EFCAB11: variants seen among roughly 807,000 people sequenced by gnomAD.
EFCAB11 encodes the protein EF-hand calcium-binding domain-containing protein 11.
Under a neutral mutation model 23.0 loss-of-function variants are expected in EFCAB11, and 14 were observed. The ratio of observed to expected loss-of-function variants is 0.61; its 90% CI spans 0.40 to 0.95. The LOEUF (loss-of-function observed/expected upper bound fraction) is 0.95. Among genes scored for constraint, EFCAB11 ranks in the 40% least tolerant of loss-of-function variants. The probability of loss-of-function intolerance (pLI) is 0.00; values close to 1 mark genes in which losing one functional copy is unlikely to be tolerated. For missense variants in EFCAB11, 198 were observed against 195.8 expected (o/e 1.01, Z -0.07); for synonymous variants, 65 against 66.6 (o/e 0.98, Z 0.11).
At chr14:89,909,289 T>A (rs1013844664) in intron 5 of EFCAB11, among the ~76,000 whole-genome samples, 71 of 152,294 alleles carry the variant, frequency 4.7e-4, no homozygotes, top group African/African-American at 1.6e-3. Flanking sequence ...GTAAGTCTGA[T>A]CACATCGGCT....
At chr14:89,919,188 GAGAGAGAGAGAGAGAC>G (rs896965498) in intron 5 of EFCAB11, among the ~76,000 whole-genome samples, 1 of 132,480 alleles carries the variant, frequency 7.5e-6, no homozygotes, top group Non-Finnish European at 1.5e-5. Context: ...CACTTGATGA[GAGAGAGAGAGAGAGAC>G]AGAGAGAGAG....
chr14:89,847,741 CAAAA>C (rs561016492), intron 5 of EFCAB11, among the ~76,000 whole-genome samples: 2 of 92,092 alleles, frequency 2.2e-5, no homozygotes, highest in African/African-American at 7.8e-5. Flanking sequence ...CTCTGTCTCA[CAAAA>C]AAAAAAAAAA....
At chr14:89,949,628 A>C (rs922093185) in intron 3 of EFCAB11, among the ~76,000 whole-genome samples, 2 of 152,158 alleles carry the variant, frequency 1.3e-5, no homozygotes, top group African/African-American at 4.8e-5. Context: ...GGCTTCCCAA[A>C]GTGCTGGGAC....
At chr14:89,866,188 C>T (rs1032551285) in intron 5 of EFCAB11, among the ~76,000 whole-genome samples, 16 of 152,140 alleles carry the variant, frequency 1.1e-4, no homozygotes, top group African/African-American at 2.2e-4. Flanking sequence ...TTTTAGACAC[C>T]GTCAGGGATG....
intron 3 of EFCAB11, among the ~76,000 whole-genome samples, chr14:89,942,111 C>A (rs1046364066): frequency 1.3e-5 from 2 of 152,154 alleles, no homozygotes; most frequent in East Asian, 1.9e-4. Flanking sequence ...TGCCATGATT[C>A]TAAGTTTCCT....
At chr14:89,913,093 G>A (rs1259736605) in intron 5 of EFCAB11, among the ~76,000 whole-genome samples, 1 of 152,204 alleles carries the variant, frequency 6.6e-6, no homozygotes, top group Non-Finnish European at 1.5e-5. Flanking sequence ...AAGCAGGCAA[G>A]GCAGGCGTGA....
At chr14:89,933,568 T>C (rs1890474654) in intron 3 of EFCAB11, among the ~76,000 whole-genome samples, 1 of 152,258 alleles carries the variant, frequency 6.6e-6, no homozygotes, top group Admixed American at 6.5e-5. Flanking sequence ...TACATCTTTA[T>C]TTACATTTAA....
intron 5 of EFCAB11, among the ~76,000 whole-genome samples, chr14:89,864,930 C>T (rs1282815930): frequency 1.3e-5 from 2 of 152,322 alleles, no homozygotes; most frequent in East Asian, 1.9e-4. Context: ...CAGCAGGATG[C>T]CCTCAGTGAC....
At chr14:89,917,056 G>GTGTA in intron 5 of EFCAB11, among the ~76,000 whole-genome samples, 1 of 39,018 alleles carries the variant, frequency 2.6e-5, no homozygotes, top group Non-Finnish European at 4.9e-5. Flanking sequence ...CATGCTTCGT[G>GTGTA]TGTGTGTGTG....
intron 5 of EFCAB11, among the ~76,000 whole-genome samples, chr14:89,835,643 T>TGTGTGTGTGTGTGTGTGTGTG (rs1491344939): frequency 2.1e-4 from 29 of 138,900 alleles, no homozygotes; most frequent in African/African-American, 2.4e-4. Flanking sequence ...TGTGTGTGTG[T>TGTGTGTGTGTGTGTGTGTGTG]TTGAGACGTT....
intron 3 of EFCAB11, among the ~76,000 whole-genome samples, chr14:89,947,149 T>C (rs1228319231): frequency 6.6e-6 from 1 of 152,192 alleles, no homozygotes; most frequent in Non-Finnish European, 1.5e-5. Context: ...ATGTTAACAA[T>C]GTCAATCTGG....
chr14:89,952,510 C>T (rs548255114), intron 2 of EFCAB11: 3 of 985,448 alleles, frequency 3.0e-6, no homozygotes, highest in Admixed American at 6.1e-5. Flanking sequence ...TTCTAAGAGT[C>T]AGCCCTGACT....
intron 3 of EFCAB11, among the ~76,000 whole-genome samples, chr14:89,949,490 G>C (rs138880443): frequency 4.6e-5 from 7 of 151,442 alleles, no homozygotes; most frequent in Non-Finnish European, 8.9e-5. Flanking sequence ...TCAGTCTCCA[G>C]AGTAGCTGGG....
intron 5 of EFCAB11, among the ~76,000 whole-genome samples, chr14:89,827,628 C>T (rs1189537933): frequency 2.9e-5 from 3 of 105,114 alleles, no homozygotes; most frequent in South Asian, 3.3e-4. Context: ...TTTATTCACT[C>T]TTTTTTTTTT....
At chr14:89,937,254 G>GA (rs1199229993) in intron 3 of EFCAB11, among the ~76,000 whole-genome samples, 1 of 152,118 alleles carries the variant, frequency 6.6e-6, no homozygotes, top group Non-Finnish European at 1.5e-5. Context: ...TTCTTTATAT[G>GA]AAAATGGAAA....
intron 5 of EFCAB11, among the ~76,000 whole-genome samples, chr14:89,909,906 G>A (rs1254322075): frequency 6.6e-6 from 1 of 152,166 alleles, no homozygotes; most frequent in Non-Finnish European, 1.5e-5. Flanking sequence ...CCATCCTCCA[G>A]GTCTCACGCC....
chr14:89,881,550 T>C lies in EFCAB11; in HGVS notation c.410+49991A>G, dbSNP rs148070638. On this transcript the variant is annotated intron_variant, in intron 5 of 5. Transcript: ENST00000316738. Reference sequence around the variant, plus strand: ...GCAAACTCTGCCTCCCAGGTTCAAGTGATTCTCCTGCCTCAGCCTCCTGAG... The same window carrying C: ...GCAAACTCTGCCTCCCAGGTTCAAGCGATTCTCCTGCCTCAGCCTCCTGAG... Among the ~76,000 whole-genome samples, 595 of 146,888 alleles carry C rather than the reference T, an allele frequency of 4.1e-3. 6 individuals carry two copies. Among genetic ancestry groups the C allele is most frequent in the African/African-American group, 0.014 (560 of 39,894 alleles).
rs1268479972 is a variant in EFCAB11 at position 89,931,673 on chromosome 14, A to G, written c.320-42T>C. 3 of 1,531,416 alleles carry G rather than the reference A, an allele frequency of 2.0e-6. No individual in the cohort carries two copies. The Admixed American group carries it at 5.1e-5, about 26-fold the overall frequency. The allele number at this position is 1,531,416 out of a possible 1,614,324, so 94.9% of individuals were successfully genotyped here. ...AAAAATATTCACTTACTTTAATAAGACCTATCAACTGTTACTTCAGCCATA... is the reference window on the plus strand; with the variant it reads ...AAAAATATTCACTTACTTTAATAAGGCCTATCAACTGTTACTTCAGCCATA... On this transcript the variant is annotated intron_variant, in intron 4 of 5. Coordinates refer to ENST00000316738, the MANE Select transcript of EFCAB11 (RefSeq NM_145231.4).
chr14:89,803,873 T>C (rs1471820886), intron 5 of EFCAB11, among the ~76,000 whole-genome samples: 1 of 152,186 alleles, frequency 6.6e-6, no homozygotes, highest in Admixed American at 6.5e-5. Context: ...TCTACAGCAA[T>C]TCAGCTGGTA....
Sources: gnomAD v4.1 joint callset for allele counts (sites outside exome capture counted in the v4.1 genomes callset) on GRCh38, gnomAD v4.1.1 for gene constraint, MANE v1.5 for transcripts, NCBI Gene and HGNC (gene_info 2026-07-23, HGNC 2026-07-21) for gene names.